NLGN1: variants seen among roughly 807,000 people sequenced by gnomAD.
NLGN1 encodes neuroligin 1.
NLGN1 carries 12 observed loss-of-function variants against 65.5 expected under a neutral mutation model. That is an observed-to-expected ratio of 0.18 (90% CI 0.12 to 0.30). The LOEUF (loss-of-function observed/expected upper bound fraction) is 0.30, where lower values mean the gene tolerates loss of function less well. NLGN1 is among the 10% of genes least tolerant of loss of function. The probability of loss-of-function intolerance (pLI) is 1.00; values close to 1 mark genes in which losing one functional copy is unlikely to be tolerated. For missense variants in NLGN1, 750 were observed against 1,007.1 expected, an observed-to-expected ratio of 0.74 and a Z score of 3.46; for synonymous variants, 350 against 359.5, an observed-to-expected ratio of 0.97 and a Z score of 0.30.
intron 4 of NLGN1, among the ~76,000 whole-genome samples, chr3:174,116,896 G>A (rs189501679): frequency 1.3e-5 from 2 of 152,116 alleles, no homozygotes; most frequent in African/African-American, 4.8e-5. Context: ...AATGATATAT[G>A]AAAAAAGATT....
rs1223712805 is a variant in NLGN1, at chr3:174,281,172, A to G, written c.2341A>G (p.Ile781Val). 7 of 1,613,158 alleles carry G rather than the reference A, an allele frequency of 4.3e-6. No individual in the cohort carries two copies. Among genetic ancestry groups the G allele is most frequent in the Admixed American group, 1.7e-5 (1 of 59,886 alleles). ...TGTTCCCTTAATGACACCCAACACC[A>G]TTACAATGATTCCCAACACTATACC... The change falls in exon 7 of 7, where the codon ATT (isoleucine) becomes GTT (valine). Residue 781 changes from isoleucine (I) to valine (V), a missense_variant. By Grantham distance (29) the Ile-to-Val change is conservative. Transcript: ENST00000457714.
chr3:173,396,750 T>A (rs1475325470), upstream of NLGN1: 1 of 152,246 alleles, frequency 6.6e-6, no homozygotes. Context: ...ATCCCGGGGA[T>A]TGCCGAGAAC....
intron 2 of NLGN1, among the ~76,000 whole-genome samples, chr3:173,543,831 A>G (rs1002196962): frequency 1.1e-4 from 17 of 152,182 alleles, no homozygotes; most frequent in African/African-American, 3.4e-4. Flanking sequence ...AGAGACAAGT[A>G]CAGAGAGAAT....
chr3:173,417,945 T>A (rs1714125841), intron 1 of NLGN1, among the ~76,000 whole-genome samples: 1 of 151,520 alleles, frequency 6.6e-6, no homozygotes, highest in Non-Finnish European at 1.5e-5. Context: ...CTCATCTTAA[T>A]AATGAGAAAA....
chr3:173,749,026 A>G (rs1775946217), intron 3 of NLGN1, among the ~76,000 whole-genome samples: 1 of 152,096 alleles, frequency 6.6e-6, no homozygotes, highest in Non-Finnish European at 1.5e-5. Context: ...ATCTGTTCAA[A>G]TGCATGCTTA....
intron 4 of NLGN1, among the ~76,000 whole-genome samples, chr3:174,230,567 T>C (rs1740526244): frequency 6.6e-6 from 1 of 152,218 alleles, no homozygotes; most frequent in Admixed American, 6.5e-5. Flanking sequence ...AAAAGATTTA[T>C]GCACAAAAGT....
intron 2 of NLGN1, among the ~76,000 whole-genome samples, chr3:173,520,271 T>G (rs1319491158): frequency 2.6e-5 from 4 of 152,204 alleles, no homozygotes; most frequent in Non-Finnish European, 5.9e-5. Context: ...AATGCAAGAA[T>G]GGATTAATAC....
At chr3:173,643,860 G>A (rs1757793467) in intron 3 of NLGN1, among the ~76,000 whole-genome samples, 1 of 152,120 alleles carries the variant, frequency 6.6e-6, no homozygotes, top group Non-Finnish European at 1.5e-5. Context: ...GCCATCATGT[G>A]CACTGGTACA....
At position 174,180,023 on chromosome 3, in the gene NLGN1, C is replaced by G. The variant is rs146277817; in HGVS notation, c.647-95292C>G. On this transcript the variant is annotated intron_variant, in intron 4 of 6. Coordinates refer to ENST00000457714, the Ensembl canonical transcript of NLGN1. The stretch of plus-strand genomic sequence containing the variant: ...ATAATCCCAAGCTGGTTCAGTAAGA[C>G]TGTCTATTTTTCTTTAGTAAAATAA... Among the ~76,000 whole-genome samples, 5 of 150,830 alleles carry G rather than the reference C, an allele frequency of 3.3e-5. No individual in the cohort carries two copies. The East Asian group carries it at 9.7e-4, about 29-fold the overall frequency.
intron 4 of NLGN1, among the ~76,000 whole-genome samples, chr3:173,813,192 C>T (rs1190878983): frequency 6.6e-6 from 1 of 151,984 alleles, no homozygotes; most frequent in Non-Finnish European, 1.5e-5. Flanking sequence ...AAGAGCAAAG[C>T]ATATTAATTC....
intron 2 of NLGN1, among the ~76,000 whole-genome samples, chr3:173,439,532 CAA>C (rs200232920): frequency 2.8e-4 from 34 of 122,808 alleles, no homozygotes; most frequent in Admixed American, 5.0e-4. Flanking sequence ...CATTCACCTG[CAA>C]AAAAAAAAAA....
At chr3:173,656,194 T>TAA (rs1760002947) in intron 3 of NLGN1, among the ~76,000 whole-genome samples, 8 of 152,078 alleles carry the variant, frequency 5.3e-5, no homozygotes, top group Non-Finnish European at 1.2e-4. Flanking sequence ...AGTCCTTAGG[T>TAA]TTCCTGCATC....
At chr3:173,526,614 T>C (rs1440790440) in intron 2 of NLGN1, among the ~76,000 whole-genome samples, 1 of 152,202 alleles carries the variant, frequency 6.6e-6, no homozygotes, top group Admixed American at 6.5e-5. Context: ...AATCCAATTA[T>C]ACTCTTTTAG....
At chr3:173,424,501 T>C (rs1006004145) in intron 1 of NLGN1, among the ~76,000 whole-genome samples, 3 of 152,236 alleles carry the variant, frequency 2.0e-5, no homozygotes, top group African/African-American at 7.2e-5. Flanking sequence ...TGATCATATA[T>C]AACTGAAAGC....
chr3:173,709,647 C>T (rs1768604814), intron 3 of NLGN1, among the ~76,000 whole-genome samples: 1 of 151,118 alleles, frequency 6.6e-6, no homozygotes, highest in Admixed American at 6.6e-5. Flanking sequence ...ACTAAAAATA[C>T]AAAAAATTAG....
At chr3:173,799,585 C>A (rs1714951680) in intron 3 of NLGN1, among the ~76,000 whole-genome samples, 1 of 151,892 alleles carries the variant, frequency 6.6e-6, no homozygotes, top group Non-Finnish European at 1.5e-5. Context: ...ACCTTAATAG[C>A]TAAACACTGA....
chr3:173,743,490 A>C (rs1183857481), intron 3 of NLGN1, among the ~76,000 whole-genome samples: 2 of 152,132 alleles, frequency 1.3e-5, no homozygotes, highest in East Asian at 1.9e-4. Context: ...GCTTTCTACT[A>C]TCTAATATAT....
chr3:174,071,970 TA>T (rs1167870297), intron 4 of NLGN1, among the ~76,000 whole-genome samples: 1 of 152,080 alleles, frequency 6.6e-6, no homozygotes, highest in African/African-American at 2.4e-5. Flanking sequence ...AGAATGTCTT[TA>T]AAAAAGATTT....
In NLGN1 at chr3:174,279,778, T is replaced by G. The variant is rs1751247079; in HGVS notation, c.1649+128T>G. The G allele has an allele frequency of 5.0e-6, 3 of 605,962 alleles. No individual in the cohort carries two copies. Among genetic ancestry groups the G allele is most frequent in the South Asian group, 4.9e-5 (2 of 41,180 alleles). 37.5% of individuals were successfully genotyped at this position (605,962 alleles called of 1,614,324 possible). A position where few individuals can be genotyped will look rare whatever the true frequency, so the allele number is the denominator to read the frequency against. ...CCTGCAAGATATTACATTCCTTTATTCAAAATTAATTCTATATTATGGTGT... is the reference window on the plus strand; with the variant it reads ...CCTGCAAGATATTACATTCCTTTATGCAAAATTAATTCTATATTATGGTGT... On this transcript the variant is annotated intron_variant, in intron 6 of 6. Transcript: ENST00000457714. The surrounding 1 kb of genome is among the most constrained non-coding windows in gnomAD (Gnocchi z 4.7).
Sources: allele counts gnomAD v4.1 joint callset (sites outside exome capture counted in the v4.1 genomes callset), GRCh38; gene constraint gnomAD v4.1.1; non-coding constraint Gnocchi (gnomAD v3.1); transcripts MANE v1.5; gene names NCBI Gene and HGNC (gene_info 2026-07-23, HGNC 2026-07-21).